SLC38A12: variants seen among roughly 807,000 people sequenced by gnomAD.
SLC38A12 encodes putative sodium-coupled neutral amino acid transporter 12.
At chr17:74,839,024 GC>G in the SLC38A12 span, 7 of 1,535,722 alleles carry the variant, frequency 4.6e-6, no homozygotes, top group Admixed American at 2.0e-5. Flanking sequence ...GGCCCCAGAT[GC>G]CCCCGGTGCA....
At chr17:74,803,657 C>T in the SLC38A12 span, among the ~76,000 whole-genome samples, 1 of 152,178 alleles carries the variant, frequency 6.6e-6, no homozygotes, top group Non-Finnish European at 1.5e-5. Flanking sequence ...TGCCTCACTT[C>T]CCAAGCCACC....
chr17:74,834,106 T>C, the SLC38A12 span, among the ~76,000 whole-genome samples: 5 of 152,014 alleles, frequency 3.3e-5, no homozygotes, highest in Non-Finnish European at 7.4e-5. Context: ...TAGGCACAGC[T>C]GTGCACACCC....
chr17:74,790,728 C>T, the SLC38A12 span, among the ~76,000 whole-genome samples: 1 of 151,298 alleles, frequency 6.6e-6, no homozygotes, highest in Non-Finnish European at 1.5e-5. Flanking sequence ...GGCTCTGACG[C>T]CTGCTCTCCC....
At chr17:74,812,020 T>G in the SLC38A12 span, among the ~76,000 whole-genome samples, 1 of 151,496 alleles carries the variant, frequency 6.6e-6, no homozygotes, top group Non-Finnish European at 1.5e-5. Flanking sequence ...CACTCCAGCC[T>G]GGGTGACAGT....
chr17:74,781,800 G>T, the SLC38A12 span, among the ~76,000 whole-genome samples: 1 of 152,168 alleles, frequency 6.6e-6, no homozygotes, highest in Non-Finnish European at 1.5e-5. Flanking sequence ...CCAACCCCCT[G>T]TGCCATCCAA....
the SLC38A12 span, chr17:74,838,582 G>A: frequency 8.0e-7 from 1 of 1,244,766 alleles, no homozygotes; most frequent in Non-Finnish European, 1.0e-6. Context: ...TCCCTGCCCT[G>A]GAGGGAACTG....
At chr17:74,815,378 G>A in the SLC38A12 span, among the ~76,000 whole-genome samples, 12,608 of 152,248 alleles carry the variant, frequency 0.083, 740 homozygotes, top group Non-Finnish European at 0.13. Context: ...CAGAGGGTGG[G>A]ACCCGGAGAC....
the SLC38A12 span, among the ~76,000 whole-genome samples, chr17:74,796,665 C>G: frequency 6.6e-6 from 1 of 152,240 alleles, no homozygotes; most frequent in African/African-American, 2.4e-5. Context: ...AGCTAATGGT[C>G]AGTGTGTCTT....
chr17:74,811,772 C>CTGT, the SLC38A12 span, among the ~76,000 whole-genome samples: 4 of 151,898 alleles, frequency 2.6e-5, no homozygotes, highest in Non-Finnish European at 4.4e-5. Context: ...TGGCTCACGC[C>CTGT]TGTAATCCTA....
chr17:74,801,977 C>T, the SLC38A12 span, among the ~76,000 whole-genome samples: 3 of 152,122 alleles, frequency 2.0e-5, no homozygotes, highest in African/African-American at 7.2e-5. Context: ...CGTGAACCCC[C>T]ACCACCCCAC....
At chr17:74,788,197 G>T in the SLC38A12 span, among the ~76,000 whole-genome samples, 6 of 152,192 alleles carry the variant, frequency 3.9e-5, no homozygotes, top group African/African-American at 1.4e-4. Context: ...GAATTGGTCC[G>T]TAGAAGTGCA....
At chr17:74,782,228 C>T in the SLC38A12 span, among the ~76,000 whole-genome samples, 2 of 152,044 alleles carry the variant, frequency 1.3e-5, no homozygotes, top group African/African-American at 2.4e-5. Context: ...CCATCATGCC[C>T]GGCTAATTTT....
chr17:74,807,203 C>T, the SLC38A12 span, among the ~76,000 whole-genome samples: 10 of 148,124 alleles, frequency 6.8e-5, no homozygotes, highest in South Asian at 4.3e-4. Flanking sequence ...GTCAGAGGAG[C>T]GTTCGTCTAG....
At chr17:74,817,491 G>A in the SLC38A12 span, among the ~76,000 whole-genome samples, 1 of 152,184 alleles carries the variant, frequency 6.6e-6, no homozygotes, top group African/African-American at 2.4e-5. Flanking sequence ...ATGAACCCTC[G>A]TTTCGACTCC....
At chr17:74,828,901 G>A in the SLC38A12 span, among the ~76,000 whole-genome samples, 1 of 151,990 alleles carries the variant, frequency 6.6e-6, no homozygotes, top group Non-Finnish European at 1.5e-5. Context: ...TGCTTCCCAG[G>A]TACGCACACA....
At chr17:74,810,850 G>A in the SLC38A12 span, among the ~76,000 whole-genome samples, 8 of 152,232 alleles carry the variant, frequency 5.3e-5, no homozygotes, top group Non-Finnish European at 1.0e-4. Flanking sequence ...CTGTGACAGT[G>A]GTTCATGGGA....
chr17:74,789,253 G>A, the SLC38A12 span, among the ~76,000 whole-genome samples: 21 of 152,266 alleles, frequency 1.4e-4, no homozygotes, highest in African/African-American at 5.1e-4. Context: ...CACAGGGGCC[G>A]GTGGGGGGGC....
the SLC38A12 span, among the ~76,000 whole-genome samples, chr17:74,800,858 A>G: frequency 1.3e-5 from 2 of 152,214 alleles, no homozygotes; most frequent in Non-Finnish European, 2.9e-5. Flanking sequence ...AGTGGACAGG[A>G]TAAGCAAGCT....
At chr17:74,836,183 C>T in the SLC38A12 span, 1 of 1,612,888 alleles carries the variant, frequency 6.2e-7, no homozygotes, top group Non-Finnish European at 8.5e-7. This position sits in a 1 kb window ranked among gnomAD's most constrained non-coding sequence, Gnocchi z 4.2. Context: ...TCTTCTGCTT[C>T]CGCGGCGACA....
Sources: allele counts gnomAD v4.1 joint callset (sites outside exome capture counted in the v4.1 genomes callset), GRCh38; gene constraint gnomAD v4.1.1; non-coding constraint Gnocchi (gnomAD v3.1); transcripts MANE v1.5; gene names NCBI Gene and HGNC (gene_info 2026-07-23, HGNC 2026-07-21).